Variants in TTC27 observed in about 807,000 individuals in gnomAD.
TTC27 encodes the protein tetratricopeptide repeat protein 27.
Under a neutral mutation model 115.9 loss-of-function variants are expected in TTC27, and 79 were observed. The ratio of observed to expected loss-of-function variants is 0.68; its 90% CI spans 0.57 to 0.82. The LOEUF is 0.82. TTC27 is among the 40% of genes least tolerant of loss of function. TTC27 has a pLI of 0.00. For missense variants in TTC27, 1,054 were observed against 993.1 expected (o/e 1.06, Z -0.82); for synonymous variants, 401 against 356.0 (o/e 1.13, Z -1.42).
chr2:32,803,716 G>GAA (rs1388851065), intron 16 of TTC27, among the ~76,000 whole-genome samples: 1 of 151,898 alleles, frequency 6.6e-6, no homozygotes, highest in African/African-American at 2.4e-5. Flanking sequence ...TACAAAATAA[G>GAA]AAAAAAATGT....
chr2:32,733,065 A>G (rs1028599), intron 10 of TTC27, among the ~76,000 whole-genome samples: 17,989 of 152,284 alleles, frequency 0.12, 1,227 homozygotes, highest in Middle Eastern at 0.24. Flanking sequence ...ATGTGTCTTC[A>G]TTCGCTTTGA....
At chr2:32,647,983 T>G (rs1035047384) in intron 4 of TTC27, among the ~76,000 whole-genome samples, 2 of 152,204 alleles carry the variant, frequency 1.3e-5, no homozygotes, top group Admixed American at 1.3e-4. Flanking sequence ...TCAAAATTAC[T>G]TATCATAACT....
intron 16 of TTC27, among the ~76,000 whole-genome samples, chr2:32,788,038 A>G (rs1481470815): frequency 6.6e-6 from 1 of 152,174 alleles, no homozygotes; most frequent in Non-Finnish European, 1.5e-5. Flanking sequence ...GAGACTCTGA[A>G]CAGATCTCAG....
intron 16 of TTC27, among the ~76,000 whole-genome samples, chr2:32,803,431 G>A (rs1468374448): frequency 1.3e-5 from 2 of 152,154 alleles, no homozygotes; most frequent in Non-Finnish European, 2.9e-5. Context: ...GAAGAAAAAG[G>A]GACAGATAAA....
chr2:32,645,568 C>T lies in TTC27; in HGVS notation c.538-4563C>T, dbSNP rs990241966. Among the ~76,000 whole-genome samples the T allele has an allele frequency of 2.6e-5, 4 of 151,892 alleles. No homozygotes were observed. In the South Asian group the frequency reaches 8.3e-4, roughly 32 times the overall value. On this transcript the variant is annotated intron_variant, in intron 4 of 19. Coordinates refer to ENST00000317907, the MANE Select transcript of TTC27 (RefSeq NM_017735.5). Reference sequence around the variant, plus strand: ...TTTTTAAAATTGTATTATTATTATGCTTTAAGTTTTAGGGTACATGTGCAC... The same window carrying T: ...TTTTTAAAATTGTATTATTATTATGTTTTAAGTTTTAGGGTACATGTGCAC...
intron 13 of TTC27, among the ~76,000 whole-genome samples, chr2:32,759,858 G>A (rs555911816): frequency 6.6e-6 from 1 of 152,296 alleles, no homozygotes; most frequent in Admixed American, 6.5e-5. Context: ...GTCCTTTTGT[G>A]ACTGACTTAT....
chr2:32,702,977 A>T lies in TTC27; in HGVS notation c.1233+57A>T, dbSNP rs944993253. On this transcript the variant is annotated intron_variant, in intron 10 of 19. Transcript: ENST00000317907. Reference sequence around the variant, plus strand: ...TTCCAACTCTCTATTGCTATCAGTAAGCATACATGTTTGCTATGAATGAAG... The same window carrying T: ...TTCCAACTCTCTATTGCTATCAGTATGCATACATGTTTGCTATGAATGAAG... The T allele has an allele frequency of 7.6e-6, 9 of 1,189,606 alleles. No individual in the cohort carries two copies. In the African/African-American group the frequency reaches 1.2e-4, roughly 16 times the overall value. The allele number at this position is 1,189,606 out of a possible 1,614,324, so 73.7% of individuals were successfully genotyped here. A position where few individuals can be genotyped will look rare whatever the true frequency, so the allele number is the denominator to read the frequency against.
intron 16 of TTC27, among the ~76,000 whole-genome samples, chr2:32,806,713 A>G (rs1314348689): frequency 2.0e-5 from 3 of 152,080 alleles, no homozygotes; most frequent in African/African-American, 7.2e-5. Flanking sequence ...ACCAAGAGGC[A>G]GAGGTTGCAG....
intron 7 of TTC27, among the ~76,000 whole-genome samples, chr2:32,670,643 A>T (rs540436225): frequency 6.6e-6 from 1 of 151,808 alleles, no homozygotes; most frequent in East Asian, 1.9e-4. Flanking sequence ...TTTGAAATGG[A>T]ATCTCGCTCT....
rs779547700 is a variant in TTC27 at position 32,692,036 on chromosome 2, G to GTTTTTTTTTTTTTTTTTTTTTTTT, written c.1120-10768_1120-10745dup. Among the ~76,000 whole-genome samples the GTTTTTTTTTTTTTTTTTTTTTTTT allele has an allele frequency of 1.6e-3, 96 of 61,208 alleles. 23 individuals are homozygous for GTTTTTTTTTTTTTTTTTTTTTTTT. The highest frequency in any genetic ancestry group is 2.4e-3 in the East Asian group (4 of 1,652). The allele number at this position is 61,208 out of a possible 152,430, so 40.2% of individuals were successfully genotyped here. A position where few individuals can be genotyped will look rare whatever the true frequency, so the allele number is the denominator to read the frequency against. ...GGGATATTCTTTTTTAATTTTTTAG[G>GTTTTTTTTTTTTTTTTTTTTTTTT]TTTTTTTTTTTTTTTTTTTTTTTTT... On this transcript the variant is annotated intron_variant, in intron 9 of 19. Coordinates refer to ENST00000317907, the MANE Select transcript of TTC27 (RefSeq NM_017735.5).
intron 7 of TTC27, among the ~76,000 whole-genome samples, chr2:32,667,606 G>T (rs1665835279): frequency 6.6e-6 from 1 of 151,138 alleles, no homozygotes; most frequent in Non-Finnish European, 1.5e-5. Flanking sequence ...GGTAGAGACA[G>T]GGTTTCTCCA....
rs529741322 is a variant in TTC27 at position 32,786,987 on chromosome 2, A to G, written c.1836A>G (p.Val612=). The change falls in exon 16 of 20, where the codon GTA becomes GTG. Residue 612 remains valine, a synonymous_variant. Transcript: ENST00000317907. ...TTTAAAATTTGACCTTCAATAGAGT[A>G]AAAGCTTTTAGAACTTTACAAGAAG... is the stretch of plus-strand genomic sequence containing the variant. ...STSYIRLKQK[V]KAFRTLQEAL... is the part of the protein sequence containing the mutation. 1.7e-4 allele frequency: 269 copies of G among 1,607,334 alleles called. 1 individual carries two copies. In the South Asian group the frequency reaches 2.9e-3, roughly 17 times the overall value.
chr2:32,710,611 G>T (rs1382822064), intron 10 of TTC27, among the ~76,000 whole-genome samples: 2 of 151,292 alleles, frequency 1.3e-5, no homozygotes, highest in African/African-American at 4.9e-5. Context: ...GGTATTTTTA[G>T]TAGAGACGGG....
At chr2:32,709,521 G>C (rs4952285) in intron 10 of TTC27, among the ~76,000 whole-genome samples, 28,242 of 152,188 alleles carry the variant, frequency 0.19, 3,141 homozygotes, top group South Asian at 0.41. Flanking sequence ...CATGTTACTA[G>C]GGTACAACAC....
intron 5 of TTC27, among the ~76,000 whole-genome samples, chr2:32,650,989 T>A (rs1467321632): frequency 9.7e-6 from 1 of 103,170 alleles, no homozygotes; most frequent in Non-Finnish European, 2.1e-5. Flanking sequence ...GTTTTGGGGA[T>A]TTTTTTTTTG....
intron 10 of TTC27, among the ~76,000 whole-genome samples, chr2:32,727,881 A>T (rs1177004200): frequency 1.3e-5 from 2 of 152,046 alleles, no homozygotes; most frequent in African/African-American, 4.8e-5. Flanking sequence ...ATATTGATGG[A>T]TTATAACTTA....
intron 9 of TTC27, among the ~76,000 whole-genome samples, chr2:32,697,968 G>T (rs1429318911): frequency 6.6e-6 from 1 of 152,028 alleles, no homozygotes; most frequent in African/African-American, 2.4e-5. Flanking sequence ...GGCCAGGCTG[G>T]TCTTGAATTC....
rs546659783 is a variant in TTC27, at chr2:32,722,292, CTG to C, written c.1234-11531_1234-11530del. Among the ~76,000 whole-genome samples the C allele has an allele frequency of 5.9e-5, 9 of 152,266 alleles. 1 individual carries two copies. In the South Asian group the frequency reaches 1.2e-3, roughly 21 times the overall value. On this transcript the variant is annotated intron_variant, in intron 10 of 19. Transcript: ENST00000317907. ...CTCTGTATTTCATCTGCATTAATAACTGTGTGCATTTGAAAGTTATTGAAAAG... is the reference window on the plus strand; with the variant it reads ...CTCTGTATTTCATCTGCATTAATAACTGTGCATTTGAAAGTTATTGAAAAG...
At chr2:32,796,722 G>C (rs1218128730) in intron 16 of TTC27, among the ~76,000 whole-genome samples, 2 of 152,028 alleles carry the variant, frequency 1.3e-5, no homozygotes, top group African/African-American at 4.8e-5. Flanking sequence ...ACAAAGCTAG[G>C]GGACTCATGC....
Sources: allele counts gnomAD v4.1 joint callset (sites outside exome capture counted in the v4.1 genomes callset), GRCh38; gene constraint gnomAD v4.1.1; transcripts MANE v1.5; gene names NCBI Gene and HGNC (gene_info 2026-07-23, HGNC 2026-07-21).